UNC5D: variants seen among roughly 807,000 people sequenced by gnomAD.
UNC5D encodes the protein unc-5 netrin receptor D.
In UNC5D, 39 loss-of-function variants were observed where a neutral mutation model predicts 105.4. The ratio of observed to expected loss-of-function variants is 0.37; its 90% CI spans 0.29 to 0.48. UNC5D has a LOEUF of 0.48. Among genes scored for constraint, UNC5D ranks in the 20% least tolerant of loss-of-function variants. UNC5D has a pLI of 0.98. For synonymous variants in UNC5D, 452 were observed against 450.4 expected (o/e 1.00, Z -0.04); for missense variants, 991 against 1,202.4 (o/e 0.82, Z 2.60).
chr8:35,739,151 A>C (rs1404151687), intron 11 of UNC5D, among the ~76,000 whole-genome samples: 1 of 152,168 alleles, frequency 6.6e-6, no homozygotes, highest in Non-Finnish European at 1.5e-5. Flanking sequence ...CAAAAAGGGC[A>C]ATTTATCAAA....
chr8:35,373,045 C>A (rs1802510825), intron 1 of UNC5D, among the ~76,000 whole-genome samples: 1 of 152,112 alleles, frequency 6.6e-6, no homozygotes, highest in Non-Finnish European at 1.5e-5. Flanking sequence ...AATCTCAGTT[C>A]CCCCTCCGTG....
At chr8:35,362,657 C>T (rs1321170920) in intron 1 of UNC5D, among the ~76,000 whole-genome samples, 1 of 152,116 alleles carries the variant, frequency 6.6e-6, no homozygotes, top group African/African-American at 2.4e-5. Flanking sequence ...CTGTCTCATT[C>T]CCCAAACTGA....
intron 3 of UNC5D, among the ~76,000 whole-genome samples, chr8:35,578,264 T>C (rs1818230674): frequency 9.0e-6 from 1 of 111,632 alleles, no homozygotes; most frequent in Non-Finnish European, 1.7e-5. Context: ...AGAAAAACTC[T>C]GTCTCAAAAA....
At chr8:35,678,046 A>C (rs1201686691) in intron 4 of UNC5D, among the ~76,000 whole-genome samples, 1 of 152,006 alleles carries the variant, frequency 6.6e-6, no homozygotes, top group East Asian at 1.9e-4. Context: ...TAGTTTTCAA[A>C]CTATAATTTT....
intron 4 of UNC5D, among the ~76,000 whole-genome samples, chr8:35,620,937 C>T (rs1035515594): frequency 3.3e-5 from 5 of 152,180 alleles, no homozygotes; most frequent in Non-Finnish European, 5.9e-5. Context: ...CAAGGATTCT[C>T]AGCCTTAACA....
chr8:35,258,737 T>C (rs1804249297), intron 1 of UNC5D, among the ~76,000 whole-genome samples: 1 of 152,174 alleles, frequency 6.6e-6, no homozygotes, highest in Non-Finnish European at 1.5e-5. Flanking sequence ...CCATCAAAGA[T>C]CTTTCAGTTT....
chr8:35,725,522 C>T lies in UNC5D; in HGVS notation c.1304-630C>T, dbSNP rs186526431. Among the ~76,000 whole-genome samples the T allele has an allele frequency of 2.4e-4, 36 of 152,094 alleles. 2 individuals are homozygous for T. The highest frequency in any genetic ancestry group is 6.8e-3 in the Middle Eastern group (2 of 292). ...TCTCTGGGTGGTGCATTTTTTCCCT[C>T]GCAGAGTGACATATGAGTTATTAGA... is the stretch of plus-strand genomic sequence containing the variant. On this transcript the variant is annotated intron_variant, in intron 9 of 16. Transcript: ENST00000404895.
At chr8:35,364,983 C>T (rs935376849) in intron 1 of UNC5D, among the ~76,000 whole-genome samples, 1 of 152,158 alleles carries the variant, frequency 6.6e-6, no homozygotes, top group Admixed American at 6.5e-5. Flanking sequence ...TAGATTATCT[C>T]AACACTTCAG....
chr8:35,786,881 C>A (rs892953977), intron 16 of UNC5D, among the ~76,000 whole-genome samples: 4 of 152,062 alleles, frequency 2.6e-5, no homozygotes, highest in Non-Finnish European at 5.9e-5. Context: ...TTGTATACAG[C>A]CCATGAGCTA....
At chr8:35,551,985 C>T (rs1816186012) in intron 2 of UNC5D, among the ~76,000 whole-genome samples, 1 of 152,108 alleles carries the variant, frequency 6.6e-6, no homozygotes, top group South Asian at 2.1e-4. Flanking sequence ...AGAAAGACTG[C>T]TAATCATTAC....
intron 1 of UNC5D, among the ~76,000 whole-genome samples, chr8:35,492,597 A>G (rs972727099): frequency 5.9e-5 from 9 of 151,778 alleles, no homozygotes; most frequent in Non-Finnish European, 1.3e-4. Flanking sequence ...GATAAAAAAC[A>G]TGTAAATTTA....
At chr8:35,519,658 T>C (rs1275531406) in intron 1 of UNC5D, among the ~76,000 whole-genome samples, 1 of 152,120 alleles carries the variant, frequency 6.6e-6, no homozygotes, top group South Asian at 2.1e-4. Flanking sequence ...CATTGACAGA[T>C]TGAATAAGTA....
rs1269583162 is a variant in UNC5D, at chr8:35,361,747, A to G, written c.103+125860A>G. Among the ~76,000 whole-genome samples, 6 of 152,250 alleles carry G rather than the reference A, an allele frequency of 3.9e-5. No homozygotes were observed. In the South Asian group the frequency reaches 6.2e-4, roughly 16 times the overall value. ...TTTCCAGTCTTGTCCACCATTTTCA[A>G]TAGTGTGAAGCTTAGCAACAGCTTT... On this transcript the variant is annotated intron_variant, in intron 1 of 16. Coordinates refer to ENST00000404895, the MANE Select transcript of UNC5D (RefSeq NM_080872.4).
intron 1 of UNC5D, among the ~76,000 whole-genome samples, chr8:35,332,132 A>G (rs1390260784): frequency 6.6e-6 from 1 of 152,240 alleles, no homozygotes; most frequent in Non-Finnish European, 1.5e-5. Context: ...GGATATGACC[A>G]TAAACTTTCT....
At chr8:35,766,867 C>T in intron 14 of UNC5D, 35 bp from the exon 15 acceptor site, 1 of 1,590,224 alleles carries the variant, frequency 6.3e-7, no homozygotes, top group Non-Finnish European at 8.6e-7. Context: ...CAGCCAGGCT[C>T]TGCACACCAT....
rs554856953 is a variant in UNC5D at position 35,332,247 on chromosome 8, G to T, written c.103+96360G>T. Among the ~76,000 whole-genome samples the T allele has an allele frequency of 2.0e-5, 3 of 152,308 alleles. No individual in the cohort carries two copies. In the South Asian group the frequency reaches 6.2e-4, roughly 32 times the overall value. On this transcript the variant is annotated intron_variant, in intron 1 of 16. Coordinates refer to ENST00000404895, the MANE Select transcript of UNC5D (RefSeq NM_080872.4). The stretch of plus-strand genomic sequence containing the variant: ...GTTTGATATAGGTTGAGCTTTCAAT[G>T]TGTTCAGTCTGCAAATATTTTGGAG...
At chr8:35,643,199 A>C (rs551292909) in intron 4 of UNC5D, among the ~76,000 whole-genome samples, 4 of 152,264 alleles carry the variant, frequency 2.6e-5, no homozygotes, top group Admixed American at 2.6e-4. Flanking sequence ...AATAGGCACC[A>C]CTTAGTCCTG....
At chr8:35,743,928 T>C (rs1394249587) in intron 11 of UNC5D, among the ~76,000 whole-genome samples, 1 of 152,226 alleles carries the variant, frequency 6.6e-6, no homozygotes, top group African/African-American at 2.4e-5. Context: ...CAAAATACTC[T>C]TAGTACGTTA....
At chr8:35,371,293 C>T (rs1468306134) in intron 1 of UNC5D, among the ~76,000 whole-genome samples, 1 of 152,020 alleles carries the variant, frequency 6.6e-6, no homozygotes, top group African/African-American at 2.4e-5. Flanking sequence ...ATTGGATTGC[C>T]ACCTCTTAAT....
Sources: allele counts gnomAD v4.1 joint callset (sites outside exome capture counted in the v4.1 genomes callset), GRCh38; gene constraint gnomAD v4.1.1; transcripts MANE v1.5; gene names NCBI Gene and HGNC (gene_info 2026-07-23, HGNC 2026-07-21).